The following RNF123 variants were observed in gnomAD, a reference collection of about 807,000 sequenced individuals.
RNF123 encodes ring finger protein 123.
RNF123 carries 86 observed loss-of-function variants against 168.5 expected under a neutral mutation model. The observed-to-expected ratio is 0.51, with a 90% CI of 0.43 to 0.61. The LOEUF (loss-of-function observed/expected upper bound fraction) is 0.61, where lower values mean the gene tolerates loss of function less well. Among genes scored for constraint, RNF123 ranks in the 20% least tolerant of loss-of-function variants. The probability of loss-of-function intolerance (pLI) is 0.00; values close to 1 mark genes in which losing one functional copy is unlikely to be tolerated. For missense variants in RNF123, 1,419 were observed against 1,729.7 expected, an observed-to-expected ratio of 0.82 and a Z score of 3.19; for synonymous variants, 666 against 689.1, an observed-to-expected ratio of 0.97 and a Z score of 0.52.
chr3:49,690,182 A>G (rs1470786657), intron 1 of RNF123, among the ~76,000 whole-genome samples: 1 of 152,164 alleles, frequency 6.6e-6, no homozygotes, highest in East Asian at 1.9e-4. Flanking sequence ...AGTGCTGGCT[A>G]AGGCAGTGCT....
At chr3:49,704,813 G>A in intron 22 of RNF123, 57 bp downstream of exon 22, 1 of 1,484,420 alleles carries the variant, frequency 6.7e-7, no homozygotes, top group Non-Finnish European at 9.1e-7. Flanking sequence ...GTATCTTATG[G>A]GCAGGGGTCT....
chr3:49,705,723 G>A (rs371280884), intron 24 of RNF123, 44 bp downstream of exon 24: 80 of 1,611,404 alleles, frequency 5.0e-5, no homozygotes, highest in Non-Finnish European at 6.4e-5. Context: ...GGTGTTGTGC[G>A]TGTTTGGTTG....
At chr3:49,711,959 G>A (rs2080152262) in intron 26 of RNF123, among the ~76,000 whole-genome samples, 1 of 152,116 alleles carries the variant, frequency 6.6e-6, no homozygotes, top group South Asian at 2.1e-4. Flanking sequence ...TCCAGTCACA[G>A]CACCCTCTTG....
At chr3:49,719,082 G>A (rs757095823) in intron 35 of RNF123, 2 of 1,613,714 alleles carry the variant, frequency 1.2e-6, no homozygotes, top group Non-Finnish European at 1.7e-6. Context: ...GCCCGTCGAG[G>A]TCGTGGCGGC....
At chr3:49,694,862 C>T (rs1282634120) in intron 3 of RNF123, among the ~76,000 whole-genome samples, 1 of 152,072 alleles carries the variant, frequency 6.6e-6, no homozygotes, top group Non-Finnish European at 1.5e-5. Flanking sequence ...ACTGCTGCTG[C>T]TGCTGCTGTG....
rs1188142868 is a variant in RNF123 at position 49,716,481 on chromosome 3, A to AACT, written c.3500+4_3500+5insACT. 1 of 1,612,982 alleles carries AACT rather than the reference A, an allele frequency of 6.2e-7. No homozygotes were observed. Among genetic ancestry groups the AACT allele is most frequent in the Non-Finnish European group, 8.5e-7 (1 of 1,179,502 alleles). On this transcript the variant is annotated splice_donor_region_variant and intron_variant, in intron 35 of 38. Transcript: ENST00000327697. Reference sequence around the variant, plus strand: ...TGGTGCGTGGCCCAGCCTCAGAGTGAGTGTTGGGGACCGTGGGCCCCTGTG... The same window carrying AACT: ...TGGTGCGTGGCCCAGCCTCAGAGTGAACTGTGTTGGGGACCGTGGGCCCCTGTG...
In RNF123 at chr3:49,699,908, G is replaced by A. The variant is rs897609373; in HGVS notation, c.984+136G>A. 2 of 869,960 alleles carry A rather than the reference G, an allele frequency of 2.3e-6. No individual in the cohort carries two copies. Among genetic ancestry groups the A allele is most frequent in the African/African-American group, 3.3e-5 (2 of 60,402 alleles). The allele number at this position is 869,960 out of a possible 1,614,324, so 53.9% of individuals were successfully genotyped here. A position where few individuals can be genotyped will look rare whatever the true frequency, so the allele number is the denominator to read the frequency against. ...CCTGGCGAGGGCCCCATGTGACCAG[G>A]GCCCTCAGACCTCAGTCAGTCCCCT... On this transcript the variant is annotated intron_variant, in intron 12 of 38. Transcript: ENST00000327697. This position sits in a 1 kb window ranked among gnomAD's most constrained non-coding sequence, Gnocchi z 4.8.
At chr3:49,698,672 G>T in intron 8 of RNF123, 83 bp from the exon 9 acceptor site, 1 of 1,563,134 alleles carries the variant, frequency 6.4e-7, no homozygotes, top group Non-Finnish European at 8.8e-7. Context: ...TCTCCCTTGG[G>T]TGGTTCTGGA....
In RNF123 at chr3:49,705,121, G is replaced by A. The variant is rs1575529812; in HGVS notation, c.2097G>A (p.Leu699=). The change falls in exon 23 of 39, where the codon CTG becomes CTA. Residue 699 remains leucine, a synonymous_variant. Coordinates refer to ENST00000327697, the MANE Select transcript of RNF123 (RefSeq NM_022064.5). The part of the protein sequence containing the change: ...AVSLMTPRRP[L]STSEKVKVRT... ...GCCTCATGACCCCACGGCGGCCTCT[G>A]AGCACCTCGGAGAAAGTGAAGGTCC... 1 of 1,609,798 alleles carries A rather than the reference G, an allele frequency of 6.2e-7. No individual in the cohort carries two copies. Among genetic ancestry groups the A allele is most frequent in the Non-Finnish European group, 8.5e-7 (1 of 1,178,058 alleles).
rs375713809 is a variant in RNF123, at chr3:49,703,540, C to T, written c.1852+12C>T. The T allele has an allele frequency of 5.6e-6, 9 of 1,608,860 alleles. No homozygotes were observed. Among genetic ancestry groups the T allele is most frequent in the South Asian group, 3.3e-5 (3 of 90,608 alleles). Reference sequence around the variant, plus strand: ...GAAGACCCTCAAAGGTGTGTACAGGCCTGTGGGCCGGGAGCAGTTCTGGGG... The same window carrying T: ...GAAGACCCTCAAAGGTGTGTACAGGTCTGTGGGCCGGGAGCAGTTCTGGGG... On this transcript the variant is annotated intron_variant, in intron 21 of 38. Transcript: ENST00000327697.
In RNF123 at chr3:49,721,283, G is replaced by A; in HGVS notation, c.3923G>A (p.Ser1308Asn). 2 of 1,614,172 alleles carry A rather than the reference G, an allele frequency of 1.2e-6. No individual in the cohort carries two copies. The highest frequency in any genetic ancestry group is 3.3e-5 in the Admixed American group (2 of 60,016). The change falls in exon 39 of 39, where the codon AGT becomes AAT. Residue 1308 changes from serine (S) to asparagine (N), a missense_variant. By Grantham distance (46) the Ser-to-Asn change is conservative. This residue lies in a region of RNF123 where 50 missense variants were observed against 77.2 expected (regional missense o/e 0.65). Transcript: ENST00000327697. ...GACTGGGAGAAGGGAGCCAATACGA[G>A]TACTACCTCCTCAGCTGCCTAGCCC... ...VEDWEKGANT[S>N]TTSSAA
chr3:49,690,179 G>T (rs1201760966), intron 1 of RNF123, among the ~76,000 whole-genome samples: 1 of 152,194 alleles, frequency 6.6e-6, no homozygotes. Flanking sequence ...GGGAGTGCTG[G>T]CTAAGGCAGT....
chr3:49,705,513 C>A, intron 23 of RNF123, 21 bp from the exon 24 acceptor site: 1 of 1,570,240 alleles, frequency 6.4e-7, no homozygotes, highest in Non-Finnish European at 8.6e-7. Context: ...ACCCTTGACC[C>A]TTCCCTCCCC....
intron 8 of RNF123, 98 bp downstream of exon 8, chr3:49,698,624 A>T: frequency 6.5e-7 from 1 of 1,539,870 alleles, no homozygotes; most frequent in Admixed American, 1.7e-5. Flanking sequence ...GGCACCAGGG[A>T]AGGGTCAGGG....
chr3:49,720,667 T>G lies in RNF123; in HGVS notation c.3643+14T>G. On this transcript the variant is annotated intron_variant, in intron 36 of 38. Transcript: ENST00000327697. ...CCCTGCAGAGCTGTGAGTGGGCTGGTGGGGCAGGTCAGGGAAATCTGGGGC... is the reference window on the plus strand; with the variant it reads ...CCCTGCAGAGCTGTGAGTGGGCTGGGGGGGCAGGTCAGGGAAATCTGGGGC... 1.3e-6 allele frequency: 2 copies of G among 1,595,230 alleles called. No homozygotes were observed. The highest frequency in any genetic ancestry group is 1.7e-6 in the Non-Finnish European group (2 of 1,166,374).
Position 49,721,380 on chromosome 3 carries a change from C to A in RNF123, c.*75C>A. On this transcript the variant is annotated 3_prime_UTR_variant, in exon 39 of 39. Coordinates refer to ENST00000327697, the MANE Select transcript of RNF123 (RefSeq NM_022064.5). Reference sequence around the variant, plus strand: ...AGGCTGGGCCCTATTTATGAGCTCCCTTTGCCCTTCTCCTGTATCCCACAC... The same window carrying A: ...AGGCTGGGCCCTATTTATGAGCTCCATTTGCCCTTCTCCTGTATCCCACAC... 6.3e-7 allele frequency: 1 copy of A among 1,586,572 alleles called. No homozygotes were observed. Among genetic ancestry groups the A allele is most frequent in the Non-Finnish European group, 8.7e-7 (1 of 1,155,400 alleles).
Position 49,705,036 on chromosome 3 carries a change from G to A in RNF123, c.2012G>A (p.Gly671Asp), listed in dbSNP as rs754806718. The part of the protein sequence containing the change: ...VGGPLPLPRP[G>D]WLSSPTLGRA... The stretch of plus-strand genomic sequence containing the variant: ...GGGCCACTGCCCCTGCCCCGGCCCG[G>A]CTGGCTCAGTTCTCCAACTTTGGGC... The change falls in exon 23 of 39, where the codon GGC (glycine) becomes GAC (aspartate). Residue 671 changes from glycine (G) to aspartate (D), a missense_variant. Gly to Asp is a moderately conservative substitution (Grantham distance 94). Coordinates refer to ENST00000327697, the MANE Select transcript of RNF123 (RefSeq NM_022064.5). 21 of 1,610,084 alleles carry A rather than the reference G, an allele frequency of 1.3e-5. No homozygotes were observed. The highest frequency in any genetic ancestry group is 1.9e-4 in the Middle Eastern group (1 of 5,162).
intron 27 of RNF123, chr3:49,713,076 A>T: frequency 1.6e-6 from 1 of 608,392 alleles, no homozygotes; most frequent in Middle Eastern, 2.8e-4. Context: ...TAGGGTCCAC[A>T]TCCGAACCTG....
At chr3:49,703,167 C>T (rs4510420) in intron 20 of RNF123, among the ~76,000 whole-genome samples, 2 of 152,212 alleles carry the variant, frequency 1.3e-5, no homozygotes, top group East Asian at 3.9e-4. Context: ...TCTGCTTCTC[C>T]TGAGTGAACG....
Sources: gnomAD v4.1 joint callset for allele counts (sites outside exome capture counted in the v4.1 genomes callset) on GRCh38, gnomAD v4.1.1 for gene constraint, gnomAD v4.1.1 regional missense constraint, Gnocchi (gnomAD v3.1) non-coding constraint, MANE v1.5 for transcripts, NCBI Gene and HGNC (gene_info 2026-07-23, HGNC 2026-07-21) for gene names.